Variants in MAGI3 observed in about 807,000 individuals in gnomAD.
MAGI3 encodes membrane associated guanylate kinase, WW and PDZ domain containing 3.
Under a neutral mutation model 121.8 loss-of-function variants are expected in MAGI3, and 43 were observed. The observed-to-expected ratio is 0.35, with a 90% CI of 0.28 to 0.46. The LOEUF (loss-of-function observed/expected upper bound fraction) is 0.46. MAGI3 is among the 20% of genes least tolerant of loss of function. MAGI3 has a pLI of 1.00. For synonymous variants in MAGI3, 553 were observed against 639.3 expected (o/e 0.86, Z 2.04); for missense variants, 1,547 against 1,797.3 (o/e 0.86, Z 2.52).
chr1:113,437,907 T>C (rs1653701997), intron 1 of MAGI3, among the ~76,000 whole-genome samples: 2 of 7,362 alleles, frequency 2.7e-4, no homozygotes, highest in Non-Finnish European at 5.9e-4. Context: ...TCCTTCTCCT[T>C]CTCCTTCTCC....
intron 1 of MAGI3, among the ~76,000 whole-genome samples, chr1:113,421,417 T>C (rs1570651287): frequency 6.6e-6 from 1 of 152,214 alleles, no homozygotes; most frequent in Non-Finnish European, 1.5e-5. Context: ...CATCTAACTC[T>C]CTGCTTTAAA....
intron 16 of MAGI3, among the ~76,000 whole-genome samples, chr1:113,668,728 G>A (rs1035531835): frequency 2.0e-5 from 3 of 151,146 alleles, no homozygotes; most frequent in Non-Finnish European, 4.4e-5. Flanking sequence ...GACTACAGGC[G>A]CCCGCCACCG....
intron 19 of MAGI3, among the ~76,000 whole-genome samples, chr1:113,677,170 C>A (rs1259982262): frequency 6.6e-6 from 1 of 152,116 alleles, no homozygotes; most frequent in Non-Finnish European, 1.5e-5. Flanking sequence ...GGATAAGGAA[C>A]TGAGAAATAG....
chr1:113,557,544 G>A (rs958059710), intron 2 of MAGI3, among the ~76,000 whole-genome samples: 1 of 152,178 alleles, frequency 6.6e-6, no homozygotes, highest in Non-Finnish European at 1.5e-5. Flanking sequence ...CACCACCCAT[G>A]TTCTATGGAA....
chr1:113,665,089 T>C (rs187118173), intron 16 of MAGI3, among the ~76,000 whole-genome samples: 4 of 152,298 alleles, frequency 2.6e-5, no homozygotes, highest in African/African-American at 9.6e-5. Flanking sequence ...GATTTTTCTT[T>C]TATATGATCT....
Position 113,673,248 on chromosome 1 carries a change from A to G in MAGI3, c.3046-74A>G, listed in dbSNP as rs1647670907. ...AGTATAAATCATTTCTTCCAGCTAT[A>G]GAAGTAATCTTTCTTCAAAATGTAA... On this transcript the variant is annotated intron_variant, in intron 18 of 20. Coordinates refer to ENST00000307546, the MANE Select transcript of MAGI3 (RefSeq NM_001142782.2). The G allele has an allele frequency of 1.4e-5, 20 of 1,479,558 alleles. No homozygotes were observed. The South Asian group carries it at 2.3e-4, about 17-fold the overall frequency. 91.7% of individuals were successfully genotyped at this position (1,479,558 alleles called of 1,614,324 possible).
chr1:113,653,881 G>A lies in MAGI3; in HGVS notation c.2492G>A (p.Gly831Glu). ...CAGGCCTTCATTTCAACACAGAATG[G>A]ATCTCCCCGCCTGAACCGGGCAGAG... is the stretch of plus-strand genomic sequence containing the variant. ...SSQAFISTQN[G>E]SPRLNRAEVP... The change falls in exon 15 of 21, where the codon GGA (glycine) becomes GAA (glutamate). Residue 831 changes from glycine to glutamate, a missense_variant. By Grantham distance (98) the Gly-to-Glu change is moderately conservative (BLOSUM62 -2). Transcript: ENST00000307546. 1 of 1,613,542 alleles carries A rather than the reference G, an allele frequency of 6.2e-7. No individual in the cohort carries two copies.
chr1:113,457,506 G>A (rs148221419), intron 1 of MAGI3, among the ~76,000 whole-genome samples: 3 of 152,076 alleles, frequency 2.0e-5, no homozygotes, highest in Non-Finnish European at 1.5e-5. Context: ...GTGCTGCCCC[G>A]TACATTTCTC....
chr1:113,634,385 C>CTT (rs1206070346), intron 9 of MAGI3, among the ~76,000 whole-genome samples: 3 of 151,840 alleles, frequency 2.0e-5, no homozygotes, highest in Admixed American at 6.6e-5. Context: ...ACGTTTAAGT[C>CTT]TAATCCATCT....
At chr1:113,653,789 T>G (rs777793763) in intron 14 of MAGI3, 41 bp from the exon 15 acceptor site, 2 of 1,467,496 alleles carry the variant, frequency 1.4e-6, no homozygotes, top group South Asian at 2.8e-5. Context: ...CCAGAAATTA[T>G]GATGTTCCAG....
chr1:113,623,026 A>G, intron 9 of MAGI3, 32 bp downstream of exon 9: 1 of 1,418,046 alleles, frequency 7.1e-7, no homozygotes, highest in Non-Finnish European at 9.3e-7. Context: ...TTTGAAGAGT[A>G]GTGATACTAT....
intron 1 of MAGI3, among the ~76,000 whole-genome samples, chr1:113,475,044 T>C (rs1378305410): frequency 6.6e-6 from 1 of 152,226 alleles, no homozygotes; most frequent in African/African-American, 2.4e-5. Flanking sequence ...TGTTTGTCTG[T>C]TAATGATGTA....
At chr1:113,438,755 C>CA (rs1484112763) in intron 1 of MAGI3, among the ~76,000 whole-genome samples, 1 of 152,186 alleles carries the variant, frequency 6.6e-6, no homozygotes, top group African/African-American at 2.4e-5. Context: ...CACTAGGTTC[C>CA]ACCTCCCACA....
At chr1:113,615,076 A>G (rs1356052667) in intron 7 of MAGI3, among the ~76,000 whole-genome samples, 1 of 152,186 alleles carries the variant, frequency 6.6e-6, no homozygotes, top group African/African-American at 2.4e-5. Context: ...GTTTTGAAGC[A>G]TACACCTAAA....
chr1:113,569,863 T>G (rs1252744403), intron 2 of MAGI3, among the ~76,000 whole-genome samples: 1 of 152,182 alleles, frequency 6.6e-6, no homozygotes, highest in African/African-American at 2.4e-5. Context: ...TAAAGAATTA[T>G]AAATCAATTT....
chr1:113,420,578 G>A (rs964918413), intron 1 of MAGI3, among the ~76,000 whole-genome samples: 5 of 152,118 alleles, frequency 3.3e-5, no homozygotes, highest in African/African-American at 4.8e-5. Context: ...TGAATGGATG[G>A]CATTCCTAAA....
intron 5 of MAGI3, among the ~76,000 whole-genome samples, chr1:113,590,944 G>T (rs975097446): frequency 5.3e-5 from 8 of 152,032 alleles, no homozygotes; most frequent in African/African-American, 1.9e-4. Context: ...AGAATAAAGG[G>T]TATTTTGCTT....
intron 1 of MAGI3, among the ~76,000 whole-genome samples, chr1:113,509,466 T>C (rs1387298471): frequency 7.1e-6 from 1 of 141,540 alleles, no homozygotes; most frequent in Non-Finnish European, 1.5e-5. Flanking sequence ...TGTAATGAAA[T>C]ACTAATTTTA....
intron 1 of MAGI3, among the ~76,000 whole-genome samples, chr1:113,510,915 C>A (rs1657584264): frequency 1.3e-5 from 2 of 152,202 alleles, no homozygotes; most frequent in African/African-American, 2.4e-5. Context: ...CTCTAGGATT[C>A]TGCATCCTTA....
Sources: allele counts gnomAD v4.1 joint callset (sites outside exome capture counted in the v4.1 genomes callset), GRCh38; gene constraint gnomAD v4.1.1; transcripts MANE v1.5; gene names NCBI Gene and HGNC (gene_info 2026-07-23, HGNC 2026-07-21).